Variants in TAMM41 observed in about 807,000 individuals in gnomAD.
TAMM41 encodes the protein phosphatidate cytidylyltransferase, mitochondrial.
A neutral mutation model predicts 44.1 loss-of-function variants in TAMM41; 36 were observed. That is an observed-to-expected ratio of 0.82 (90% CI 0.63 to 1.08). TAMM41 has a LOEUF of 1.08. Among genes scored for constraint, TAMM41 ranks in the 50% least tolerant of loss-of-function variants. TAMM41 has a pLI of 0.00. For synonymous variants in TAMM41, 164 were observed against 153.1 expected (o/e 1.07, Z -0.53); for missense variants, 417 against 404.3 (o/e 1.03, Z -0.27).
the TAMM41 span, among the ~76,000 whole-genome samples, chr3:11,752,794 G>A: frequency 4.3e-4 from 66 of 151,794 alleles, no homozygotes; most frequent in South Asian, 1.0e-3. Flanking sequence ...TGCTATAGGC[G>A]CATGCCACCA....
intron 1 of TAMM41, 46 bp downstream of exon 1, chr3:11,846,456 C>G: frequency 6.2e-7 from 1 of 1,610,816 alleles, no homozygotes; most frequent in Non-Finnish European, 8.5e-7. Flanking sequence ...CAAAACGGGA[C>G]TCGTGAGAAC....
chr3:11,722,673 A>C, the TAMM41 span, among the ~76,000 whole-genome samples: 1 of 152,098 alleles, frequency 6.6e-6, no homozygotes. Context: ...CTCTAGTAAA[A>C]ATACAAAAAA....
At chr3:11,773,417 C>T in the TAMM41 span, among the ~76,000 whole-genome samples, 2 of 151,948 alleles carry the variant, frequency 1.3e-5, no homozygotes, top group African/African-American at 4.8e-5. Context: ...GGTGGGGTCT[C>T]GCTATTTTGG....
At chr3:11,832,298 C>G (rs950292463) in intron 3 of TAMM41, among the ~76,000 whole-genome samples, 1 of 149,452 alleles carries the variant, frequency 6.7e-6, no homozygotes, top group Non-Finnish European at 1.5e-5. Context: ...AAAAAAAATC[C>G]ACAAAGTTCC....
intron 1 of TAMM41, 43 bp downstream of exon 1, chr3:11,846,459 G>C (rs1450538026): frequency 6.2e-7 from 1 of 1,612,408 alleles, no homozygotes; most frequent in East Asian, 2.2e-5. Context: ...AACGGGACTC[G>C]TGAGAACAGA....
At chr3:11,784,463 C>T in the TAMM41 span, among the ~76,000 whole-genome samples, 1 of 152,100 alleles carries the variant, frequency 6.6e-6, no homozygotes, top group Admixed American at 6.5e-5. Flanking sequence ...CCACTGCACT[C>T]CAGCCTGGGC....
At chr3:11,779,260 T>C in the TAMM41 span, among the ~76,000 whole-genome samples, 23 of 152,154 alleles carry the variant, frequency 1.5e-4, no homozygotes, top group South Asian at 4.1e-4. Context: ...TCTTGAACTT[T>C]CCAGCCATCA....
At chr3:11,736,833 T>G in the TAMM41 span, among the ~76,000 whole-genome samples, 1 of 152,160 alleles carries the variant, frequency 6.6e-6, no homozygotes, top group Admixed American at 6.5e-5. Flanking sequence ...GAAATTCTTC[T>G]GTAGACTTGG....
intron 1 of TAMM41, among the ~76,000 whole-genome samples, chr3:11,846,266 T>TTCTGCCTA (rs1269153330): frequency 6.6e-6 from 1 of 152,266 alleles, no homozygotes. Flanking sequence ...CAGTTTTTCC[T>TTCTGCCTA]TCTGCCTAAC....
intron 4 of TAMM41, among the ~76,000 whole-genome samples, chr3:11,818,415 C>G (rs560776758): frequency 7.0e-4 from 106 of 152,270 alleles, no homozygotes; most frequent in South Asian, 1.7e-3. Flanking sequence ...TCATAGAGGT[C>G]ATTATTTGCC....
At chr3:11,789,841 G>A (rs1318279309), downstream of TAMM41, among the ~76,000 whole-genome samples, 5 of 152,226 alleles carry the variant, frequency 3.3e-5, no homozygotes, top group Admixed American at 1.3e-4. Context: ...TCAGCACGAT[G>A]CTAACACTGC....
At chr3:11,822,074 T>A (rs1457127083) in intron 4 of TAMM41, among the ~76,000 whole-genome samples, 1 of 152,204 alleles carries the variant, frequency 6.6e-6, no homozygotes, top group Non-Finnish European at 1.5e-5. Flanking sequence ...ATTATATATG[T>A]GCAAACATAC....
the TAMM41 span, among the ~76,000 whole-genome samples, chr3:11,730,121 A>G: frequency 2.3e-4 from 35 of 152,056 alleles, no homozygotes; most frequent in Non-Finnish European, 4.3e-4. Flanking sequence ...CAGTGGCTCA[A>G]GCCTATAATC....
At chr3:11,722,041 C>T in the TAMM41 span, 1 of 152,166 alleles carries the variant, frequency 6.6e-6, no homozygotes, top group African/African-American at 2.4e-5. Context: ...ACAAAGTGTT[C>T]CCACGTATTA....
chr3:11,784,880 G>C, the TAMM41 span, among the ~76,000 whole-genome samples: 1 of 145,714 alleles, frequency 6.9e-6, no homozygotes, highest in Non-Finnish European at 1.5e-5. Flanking sequence ...GTGGCTCACT[G>C]CAACTTCCGC....
chr3:11,790,605 TAAG>T (rs1559261731), intron 7 of TAMM41, 24 bp from the exon 8 acceptor site: 1 of 1,594,008 alleles, frequency 6.3e-7, no homozygotes, highest in Non-Finnish European at 8.6e-7. Flanking sequence ...GATGAGAAAG[TAAG>T]AAGATGGAGG....
At chr3:11,740,093 A>C in the TAMM41 span, among the ~76,000 whole-genome samples, 2 of 97,196 alleles carry the variant, frequency 2.1e-5, no homozygotes, top group Non-Finnish European at 3.6e-5. Context: ...AAAACAAAAC[A>C]AAAAAAACAC....
intron 7 of TAMM41, among the ~76,000 whole-genome samples, chr3:11,791,826 C>G (rs2077484549): frequency 6.6e-6 from 1 of 152,168 alleles, no homozygotes; most frequent in African/African-American, 2.4e-5. Context: ...TACTTGCAAA[C>G]CAACATAACC....
In TAMM41 at chr3:11,846,640, G is replaced by C; in HGVS notation, c.-4C>G. 6.2e-7 allele frequency: 1 copy of C among 1,614,172 alleles called. No homozygotes were observed. The highest frequency in any genetic ancestry group is 8.5e-7 in the Non-Finnish European group (1 of 1,180,026). On this transcript the variant is annotated 5_prime_UTR_variant, in exon 1 of 8. Coordinates refer to ENST00000455809, the MANE Select transcript of TAMM41 (RefSeq NM_001284401.2). ...TCTGCAGCGTCTGCAGCGCCATGGG[G>C]TCGAGGCTAACAGGGGACACTCAGC...
Sources: gnomAD v4.1 joint callset for allele counts (sites outside exome capture counted in the v4.1 genomes callset) on GRCh38, gnomAD v4.1.1 for gene constraint, MANE v1.5 for transcripts, NCBI Gene and HGNC (gene_info 2026-07-23, HGNC 2026-07-21) for gene names.